ZNF277: variants seen among roughly 807,000 people sequenced by gnomAD.
ZNF277 encodes nuclear receptor-interacting factor 4.
ZNF277 carries 55 observed loss-of-function variants against 60.7 expected under a neutral mutation model. The observed-to-expected ratio is 0.91, with a 90% CI of 0.73 to 1.13. ZNF277 has a LOEUF of 1.13. ZNF277 is among the 50% of genes most tolerant of loss of function. ZNF277 has a pLI of 0.00. For synonymous variants in ZNF277, 178 were observed against 179.3 expected (o/e 0.99, Z 0.06); for missense variants, 510 against 523.0 (o/e 0.98, Z 0.24).
At chr7:112,254,638 T>C (rs769664759) in intron 1 of ZNF277, among the ~76,000 whole-genome samples, 57 of 152,214 alleles carry the variant, frequency 3.7e-4, no homozygotes, top group Non-Finnish European at 6.9e-4. Context: ...AAGTGTTTCC[T>C]AATCCTTATT....
At chr7:112,272,516 C>G (rs1563211318) in intron 1 of ZNF277, among the ~76,000 whole-genome samples, 1 of 152,118 alleles carries the variant, frequency 6.6e-6, no homozygotes, top group Middle Eastern at 3.2e-3. Context: ...TTTTTCGAGA[C>G]AGAGTCTTCC....
chr7:112,245,290 G>A (rs1435312085), intron 1 of ZNF277, among the ~76,000 whole-genome samples: 3 of 152,172 alleles, frequency 2.0e-5, no homozygotes, highest in Non-Finnish European at 2.9e-5. Context: ...CATAGATTCT[G>A]AGTGCTAGGG....
At chr7:112,297,919 G>A (rs1792390778) in intron 4 of ZNF277, among the ~76,000 whole-genome samples, 1 of 152,080 alleles carries the variant, frequency 6.6e-6, no homozygotes, top group Non-Finnish European at 1.5e-5. Context: ...GTCTGCAGAT[G>A]GACTCAGGTC....
At chr7:112,211,581 C>A (rs1371908649) in intron 1 of ZNF277, among the ~76,000 whole-genome samples, 1 of 152,244 alleles carries the variant, frequency 6.6e-6, no homozygotes, top group Non-Finnish European at 1.5e-5. Context: ...TCCTGTTGAT[C>A]TCACTGACTC....
chr7:112,283,652 G>C (rs1442553877), intron 1 of ZNF277, among the ~76,000 whole-genome samples: 2 of 152,132 alleles, frequency 1.3e-5, no homozygotes, highest in East Asian at 3.9e-4. Context: ...GTTCTCATAT[G>C]TGTGAATATT....
rs769508501 is a variant in ZNF277 at position 112,340,874 on chromosome 7, T to C, written c.1012T>C (p.Leu338=). Residue 338 remains leucine (L), a splice_region_variant and synonymous_variant, in exon 11 of 12, where the codon TTA becomes CTA. Coordinates refer to ENST00000361822, the MANE Select transcript of ZNF277 (RefSeq NM_021994.3). ...ATTCTGTATTTTGTCATTTTCAGGA[T>C]TAAATTTCTATCAGCAAGTGAAACT... The part of the protein sequence containing the change: ...DLLKIKSELG[L]NFYQQVKLVN... The C allele has an allele frequency of 1.9e-6, 3 of 1,609,702 alleles. No homozygotes were observed. The highest frequency in any genetic ancestry group is 1.7e-6 in the Non-Finnish European group (2 of 1,178,522).
chr7:112,222,412 G>T (rs1379092175), intron 1 of ZNF277, among the ~76,000 whole-genome samples: 1 of 152,116 alleles, frequency 6.6e-6, no homozygotes, highest in Non-Finnish European at 1.5e-5. Context: ...ATTGAGTCTT[G>T]CTAGGTTCTA....
chr7:112,296,333 T>A (rs1222807719), intron 4 of ZNF277, 22 bp downstream of exon 4: 1 of 1,337,454 alleles, frequency 7.5e-7, no homozygotes, highest in South Asian at 1.3e-5. Flanking sequence ...TTTTAAAGGG[T>A]GAATAGTGTC....
chr7:112,286,561 G>A (rs1030677591), intron 1 of ZNF277, among the ~76,000 whole-genome samples: 4 of 152,036 alleles, frequency 2.6e-5, no homozygotes, highest in South Asian at 4.1e-4. Flanking sequence ...CAAGTACCCC[G>A]GGAATTGCTG....
chr7:112,284,955 G>A (rs1435143233), intron 1 of ZNF277, among the ~76,000 whole-genome samples: 3 of 152,152 alleles, frequency 2.0e-5, no homozygotes, highest in Admixed American at 6.5e-5. Flanking sequence ...ATGCAACATC[G>A]AACATCCCTG....
chr7:112,281,624 A>G (rs1244621836), intron 1 of ZNF277, among the ~76,000 whole-genome samples: 1 of 152,210 alleles, frequency 6.6e-6, no homozygotes, highest in East Asian at 1.9e-4. Flanking sequence ...GGCTGTAAAT[A>G]TAGTTGGACT....
At chr7:112,261,637 A>T (rs530968124) in intron 1 of ZNF277, among the ~76,000 whole-genome samples, 1 of 152,116 alleles carries the variant, frequency 6.6e-6, no homozygotes, top group South Asian at 2.1e-4. Context: ...ATAACATTTC[A>T]CCCCAAATTC....
At chr7:112,264,039 A>G (rs1367995428) in intron 1 of ZNF277, among the ~76,000 whole-genome samples, 1 of 152,104 alleles carries the variant, frequency 6.6e-6, no homozygotes, top group African/African-American at 2.4e-5. Context: ...GCCTTAGAAA[A>G]CAAAATGTAT....
At chr7:112,281,546 A>AT (rs779441024) in intron 1 of ZNF277, among the ~76,000 whole-genome samples, 3 of 152,162 alleles carry the variant, frequency 2.0e-5, no homozygotes, top group Non-Finnish European at 4.4e-5. Context: ...ATTCAATGTA[A>AT]TTTTTACATC....
At chr7:112,285,616 A>G (rs1792047286) in intron 1 of ZNF277, among the ~76,000 whole-genome samples, 1 of 151,440 alleles carries the variant, frequency 6.6e-6, no homozygotes, top group South Asian at 2.1e-4. Context: ...TTGTATTTTT[A>G]GTAGAGACGG....
At chr7:112,289,777 T>G (rs192301237) in intron 2 of ZNF277, among the ~76,000 whole-genome samples, 1 of 152,254 alleles carries the variant, frequency 6.6e-6, no homozygotes, top group Non-Finnish European at 1.5e-5. Context: ...CTGGCTGGAG[T>G]GCAGTGGCAC....
chr7:112,206,957 GGGTTGGAGCCGGTGGCGGCTACTT>G (rs1320948428), intron 1 of ZNF277, 150 bp downstream of exon 1: 3 of 710,434 alleles, frequency 4.2e-6, no homozygotes, highest in African/African-American at 3.8e-5. Context: ...CCAGCGGGAT[GGGTTGGAGCCGGTGGCGGCTACTT>G]GGTTGGGGCT....
At chr7:112,289,473 A>G (rs904912580) in intron 2 of ZNF277, among the ~76,000 whole-genome samples, 3 of 152,204 alleles carry the variant, frequency 2.0e-5, no homozygotes, top group Non-Finnish European at 4.4e-5. Flanking sequence ...CTAATTCCCT[A>G]CATGCTCTCA....
intron 1 of ZNF277, among the ~76,000 whole-genome samples, chr7:112,211,863 T>G (rs1327501358): frequency 2.0e-5 from 3 of 152,254 alleles, no homozygotes; most frequent in Non-Finnish European, 4.4e-5. Flanking sequence ...AAGAGTTGCC[T>G]TATTTCACTT....
Sources: gnomAD v4.1 joint callset for allele counts (sites outside exome capture counted in the v4.1 genomes callset) on GRCh38, gnomAD v4.1.1 for gene constraint, MANE v1.5 for transcripts, NCBI Gene and HGNC (gene_info 2026-07-23, HGNC 2026-07-21) for gene names.